Variants in KIAA1328 observed in about 807,000 individuals in gnomAD.
The protein encoded by KIAA1328 is protein hinderin.
KIAA1328 carries 52 observed loss-of-function variants against 68.1 expected under a neutral mutation model. The observed-to-expected ratio is 0.76, with a 90% CI of 0.61 to 0.96. The LOEUF is 0.96. Ranked by LOEUF, KIAA1328 falls within the 40% of genes least tolerant of loss-of-function variation. KIAA1328 has a pLI of 0.00. For synonymous variants in KIAA1328, 232 were observed against 239.4 expected, an observed-to-expected ratio of 0.97 and a Z score of 0.28; for missense variants, 641 against 677.6, an observed-to-expected ratio of 0.95 and a Z score of 0.60.
intron 6 of KIAA1328, among the ~76,000 whole-genome samples, chr18:36,999,656 T>C (rs1230780552): frequency 6.6e-6 from 1 of 152,190 alleles, no homozygotes; most frequent in Admixed American, 6.5e-5. Flanking sequence ...ACCTGTCACC[T>C]GGGACTGCTG....
At chr18:37,209,542 T>A (rs2060275912) in intron 9 of KIAA1328, among the ~76,000 whole-genome samples, 1 of 152,130 alleles carries the variant, frequency 6.6e-6, no homozygotes, top group African/African-American at 2.4e-5. Context: ...TGTGGATTGA[T>A]GGCTATTTTG....
At chr18:37,119,150 C>T (rs1599339827) in intron 7 of KIAA1328, among the ~76,000 whole-genome samples, 1 of 152,114 alleles carries the variant, frequency 6.6e-6, no homozygotes, top group East Asian at 1.9e-4. Context: ...GGTGGTTTTG[C>T]AAAAGTATTA....
chr18:37,022,078 T>C (rs2054369940), intron 6 of KIAA1328, among the ~76,000 whole-genome samples: 1 of 151,630 alleles, frequency 6.6e-6, no homozygotes, highest in Admixed American at 6.6e-5. Flanking sequence ...TAAAATAAAA[T>C]AAAATAAAAC....
At chr18:37,089,496 T>G (rs2057208917) in intron 7 of KIAA1328, among the ~76,000 whole-genome samples, 1 of 150,112 alleles carries the variant, frequency 6.7e-6, no homozygotes, top group African/African-American at 2.4e-5. Flanking sequence ...TGTTTTGGCC[T>G]CCCGAGTAGC....
chr18:37,132,097 AAGG>A (rs1169801125), intron 7 of KIAA1328, among the ~76,000 whole-genome samples: 1 of 152,178 alleles, frequency 6.6e-6, no homozygotes, highest in Non-Finnish European at 1.5e-5. Flanking sequence ...GCAAAAAAAA[AAGG>A]AGAGATTTCA....
chr18:37,231,915 CT>C (rs1305370641), downstream of KIAA1328: 2 of 152,256 alleles, frequency 1.3e-5, no homozygotes, highest in Admixed American at 1.3e-4. Context: ...GCTCTCACTC[CT>C]CATTGCTGCC....
chr18:37,162,563 G>A (rs1476815932), intron 8 of KIAA1328, among the ~76,000 whole-genome samples: 1 of 152,122 alleles, frequency 6.6e-6, no homozygotes, highest in Non-Finnish European at 1.5e-5. Flanking sequence ...CAACCAAATG[G>A]GAGATATAAA....
chr18:37,074,374 GTT>G (rs1350627905), intron 7 of KIAA1328, among the ~76,000 whole-genome samples: 1 of 152,114 alleles, frequency 6.6e-6, no homozygotes, highest in East Asian at 1.9e-4. Flanking sequence ...AAGATTTTTA[GTT>G]GTACAGGGGT....
Position 37,223,675 on chromosome 18 carries a change from G to C in KIAA1328, c.*1448G>C. The C allele has an allele frequency of 2.0e-6, 2 of 985,342 alleles. No individual in the cohort carries two copies. Among genetic ancestry groups the C allele is most frequent in the Non-Finnish European group, 2.4e-6 (2 of 829,920 alleles). 61.0% of individuals were successfully genotyped at this position (985,342 alleles called of 1,614,324 possible). On this transcript the variant is annotated 3_prime_UTR_variant, in exon 10 of 10. Transcript: ENST00000280020. ...AGCCTGCATGCAGCGAGTCTGCGTGGCTTCCCTGAATTACTCTTTTAATTA... is the reference window on the plus strand; with the variant it reads ...AGCCTGCATGCAGCGAGTCTGCGTGCCTTCCCTGAATTACTCTTTTAATTA...
At chr18:36,844,133 C>T in intron 3 of KIAA1328, 75 bp from the exon 4 acceptor site, 1 of 894,264 alleles carries the variant, frequency 1.1e-6, no homozygotes, top group Non-Finnish European at 1.7e-6. Flanking sequence ...GAAATTTCAC[C>T]TTGCACCTAG....
chr18:37,015,150 C>T (rs1041960338), intron 6 of KIAA1328, among the ~76,000 whole-genome samples: 1 of 152,042 alleles, frequency 6.6e-6, no homozygotes, highest in African/African-American at 2.4e-5. Flanking sequence ...ATCCACCCAC[C>T]TCAGCCTCCC....
intron 4 of KIAA1328, among the ~76,000 whole-genome samples, chr18:36,851,609 T>G (rs781649537): frequency 1.3e-5 from 2 of 152,144 alleles, no homozygotes; most frequent in Non-Finnish European, 2.9e-5. Context: ...TTCATAGTAT[T>G]CTCTTATAAT....
chr18:37,044,345 T>C (rs957668762), intron 6 of KIAA1328, among the ~76,000 whole-genome samples: 1 of 152,144 alleles, frequency 6.6e-6, no homozygotes, highest in African/African-American at 2.4e-5. Context: ...TCTCCCTTCC[T>C]TTATTGGGAG....
At chr18:37,035,025 G>A (rs1006286308) in intron 6 of KIAA1328, among the ~76,000 whole-genome samples, 1 of 152,130 alleles carries the variant, frequency 6.6e-6, no homozygotes. Flanking sequence ...TTGACAGAGG[G>A]TATTTACTTT....
intron 8 of KIAA1328, among the ~76,000 whole-genome samples, chr18:37,164,967 C>A (rs2059356594): frequency 6.6e-6 from 1 of 152,168 alleles, no homozygotes; most frequent in African/African-American, 2.4e-5. Flanking sequence ...AATCCTCATA[C>A]TCTTTTCTAG....
Position 37,118,503 on chromosome 18 carries a change from C to A in KIAA1328, c.1233-41697C>A, listed in dbSNP as rs150954221. Reference sequence around the variant, plus strand: ...GAACTAAGAGATGTCCTAAGGAATCCTCCTGTATTCCAGACATACTCTTCC... The same window carrying A: ...GAACTAAGAGATGTCCTAAGGAATCATCCTGTATTCCAGACATACTCTTCC... On this transcript the variant is annotated intron_variant, in intron 7 of 9. Transcript: ENST00000280020. Among the ~76,000 whole-genome samples, 180 of 152,294 alleles carry A rather than the reference C, an allele frequency of 1.2e-3. 2 individuals are homozygous for A. The Middle Eastern group carries it at 0.02, about 17-fold the overall frequency.
intron 5 of KIAA1328, among the ~76,000 whole-genome samples, chr18:36,929,571 A>G (rs1384563281): frequency 1.3e-5 from 2 of 152,012 alleles, no homozygotes; most frequent in Admixed American, 6.5e-5. Context: ...TATGCACTGA[A>G]TATTAGTGTC....
chr18:36,865,214 A>G (rs2047709874), intron 4 of KIAA1328, among the ~76,000 whole-genome samples: 1 of 151,454 alleles, frequency 6.6e-6, no homozygotes, highest in Admixed American at 6.6e-5. Context: ...TACCCTACCT[A>G]TTTTAATTCG....
intron 4 of KIAA1328, among the ~76,000 whole-genome samples, chr18:36,871,621 AAT>A (rs2047947971): frequency 6.6e-6 from 1 of 152,036 alleles, no homozygotes; most frequent in Non-Finnish European, 1.5e-5. Flanking sequence ...GGTATGTGTA[AAT>A]AATTATGTAG....
Sources: gnomAD v4.1 joint callset for allele counts (sites outside exome capture counted in the v4.1 genomes callset) on GRCh38, gnomAD v4.1.1 for gene constraint, MANE v1.5 for transcripts, NCBI Gene and HGNC (gene_info 2026-07-23, HGNC 2026-07-21) for gene names.